The following GNAQ variants were observed in gnomAD, a reference collection of about 807,000 sequenced individuals.
GNAQ encodes the protein guanine nucleotide-binding protein G(q) subunit alpha.
In GNAQ, 8 loss-of-function variants were observed where a neutral mutation model predicts 43.9. That is an observed-to-expected ratio of 0.18 (90% CI 0.11 to 0.33). The LOEUF is 0.33. Ranked by LOEUF, GNAQ falls within the 10% of genes least tolerant of loss-of-function variation. The pLI is 1.00. For missense variants in GNAQ, 158 were observed against 450.8 expected (o/e 0.35, Z 5.88); for synonymous variants, 155 against 170.7 (o/e 0.91, Z 0.71).
At chr9:78,019,923 C>CA (rs34222702) in intron 1 of GNAQ, among the ~76,000 whole-genome samples, 44,885 of 93,566 alleles carry the variant, frequency 0.48, 9,758 homozygotes, top group Non-Finnish European at 0.55. Flanking sequence ...GACTCCATCT[C>CA]AAAAAAAAAA....
Position 77,824,491 on chromosome 9 carries a change from C to T in GNAQ, c.322-8721G>A, listed in dbSNP as rs151002886. Among the ~76,000 whole-genome samples, 9 of 152,226 alleles carry T rather than the reference C, an allele frequency of 5.9e-5. No homozygotes were observed. The East Asian group carries it at 1.5e-3, about 26-fold the overall frequency. On this transcript the variant is annotated intron_variant, in intron 2 of 6. Transcript: ENST00000286548. Reference sequence around the variant, plus strand: ...GATGAAACTCATAAATAGATTATTGCAGCTTGTTTGGATACAACTGTGATT... The same window carrying T: ...GATGAAACTCATAAATAGATTATTGTAGCTTGTTTGGATACAACTGTGATT...
intron 2 of GNAQ, among the ~76,000 whole-genome samples, chr9:77,877,196 G>A (rs1828139028): frequency 6.6e-6 from 1 of 152,090 alleles, no homozygotes; most frequent in Non-Finnish European, 1.5e-5. Flanking sequence ...TGCTTGTCTT[G>A]TAAACCAACT....
chr9:77,830,514 G>A (rs1361701932), intron 2 of GNAQ, among the ~76,000 whole-genome samples: 2 of 152,020 alleles, frequency 1.3e-5, no homozygotes, highest in African/African-American at 4.8e-5. Context: ...AAACACAAGC[G>A]GTTTCTTATG....
intron 2 of GNAQ, among the ~76,000 whole-genome samples, chr9:77,861,441 CA>C (rs1827849242): frequency 6.6e-6 from 1 of 152,190 alleles, no homozygotes; most frequent in African/African-American, 2.4e-5. Context: ...CTCATTTCAG[CA>C]TTAACTCAGA....
At chr9:77,916,483 T>C (rs1281131456) in intron 2 of GNAQ, among the ~76,000 whole-genome samples, 3 of 152,216 alleles carry the variant, frequency 2.0e-5, no homozygotes, top group African/African-American at 7.2e-5. Context: ...AAATGGCTTC[T>C]GGGACCTTGG....
intron 2 of GNAQ, among the ~76,000 whole-genome samples, chr9:77,864,028 G>T (rs1287035435): frequency 6.6e-6 from 1 of 152,066 alleles, no homozygotes; most frequent in East Asian, 1.9e-4. Flanking sequence ...TCATAGTTCT[G>T]CAGACTGTAC....
At chr9:77,858,032 G>A (rs1273060466) in intron 2 of GNAQ, among the ~76,000 whole-genome samples, 2 of 152,088 alleles carry the variant, frequency 1.3e-5, no homozygotes, top group Non-Finnish European at 2.9e-5. Context: ...ATGAGAGCAA[G>A]TACCAAGTAG....
chr9:77,961,287 G>A (rs1310592432), intron 1 of GNAQ, among the ~76,000 whole-genome samples: 1 of 152,134 alleles, frequency 6.6e-6, no homozygotes, highest in East Asian at 1.9e-4. Flanking sequence ...CACGGCTTCA[G>A]TTTCCACACA....
chr9:77,752,264 A>G (rs751129685), intron 5 of GNAQ, among the ~76,000 whole-genome samples: 29 of 152,254 alleles, frequency 1.9e-4, no homozygotes, highest in Non-Finnish European at 3.5e-4. Flanking sequence ...ATTCCAAAGT[A>G]TTACAGAAAT....
rs530130088 is a variant in GNAQ at position 77,837,275 on chromosome 9, A to T, written c.322-21505T>A. On this transcript the variant is annotated intron_variant, in intron 2 of 6. Transcript: ENST00000286548. ...GTGACTTTTAAAAGTTGTTTCTGGC[A>T]GGCTGGTGGCTCATGCCTCTAATCT... Among the ~76,000 whole-genome samples the T allele has an allele frequency of 9.9e-5, 15 of 152,190 alleles. No homozygotes were observed. In the East Asian group the frequency reaches 2.3e-3, roughly 24 times the overall value.
intron 2 of GNAQ, among the ~76,000 whole-genome samples, chr9:77,843,943 T>C (rs1827533365): frequency 6.6e-6 from 1 of 152,150 alleles, no homozygotes; most frequent in South Asian, 2.1e-4. Context: ...CAGGTCCTTA[T>C]AACTCAGAAA....
intron 2 of GNAQ, among the ~76,000 whole-genome samples, chr9:77,897,409 AC>A (rs1401338755): frequency 2.0e-5 from 3 of 152,218 alleles, no homozygotes; most frequent in Admixed American, 6.5e-5. Flanking sequence ...ACCAGCAAGG[AC>A]TGTCTACAGA....
intron 1 of GNAQ, among the ~76,000 whole-genome samples, chr9:77,994,049 C>T (rs186915066): frequency 2.1e-4 from 32 of 152,276 alleles, no homozygotes; most frequent in African/African-American, 7.2e-4. Flanking sequence ...CAAGGTCTTA[C>T]TCTGTTGCCC....
At chr9:77,914,576 C>T (rs958432404) in intron 2 of GNAQ, among the ~76,000 whole-genome samples, 34 of 151,978 alleles carry the variant, frequency 2.2e-4, no homozygotes, top group Non-Finnish European at 4.3e-4. Context: ...GCAGGAGAAT[C>T]GCTTGAACCC....
At chr9:77,901,262 CCA>C (rs1033996696) in intron 2 of GNAQ, among the ~76,000 whole-genome samples, 2 of 152,202 alleles carry the variant, frequency 1.3e-5, no homozygotes, top group African/African-American at 4.8e-5. Flanking sequence ...TGGGCAGCCT[CCA>C]CAGTGGTTAG....
chr9:77,933,009 C>G (rs2118313362), intron 1 of GNAQ, among the ~76,000 whole-genome samples: 1 of 152,216 alleles, frequency 6.6e-6, no homozygotes, highest in Non-Finnish European at 1.5e-5. Flanking sequence ...GCACTAGATT[C>G]TTAGAGAAGC....
chr9:77,739,473 G>T (rs1825620944), intron 5 of GNAQ, among the ~76,000 whole-genome samples: 1 of 152,164 alleles, frequency 6.6e-6, no homozygotes, highest in Admixed American at 6.5e-5. Flanking sequence ...TTACTAACTT[G>T]TCATTTTGAA....
intron 1 of GNAQ, among the ~76,000 whole-genome samples, chr9:77,922,947 CT>C (rs1298120579): frequency 6.6e-6 from 1 of 152,086 alleles, no homozygotes; most frequent in African/African-American, 2.4e-5. Flanking sequence ...CCATCTGAGT[CT>C]CTTGATCCTC....
intron 2 of GNAQ, among the ~76,000 whole-genome samples, chr9:77,849,578 C>T (rs1047403433): frequency 6.6e-6 from 1 of 152,180 alleles, no homozygotes; most frequent in African/African-American, 2.4e-5. Flanking sequence ...CTGCTTCCTA[C>T]CCTGCTTCCC....
Sources: gnomAD v4.1 joint callset for allele counts (sites outside exome capture counted in the v4.1 genomes callset) on GRCh38, gnomAD v4.1.1 for gene constraint, MANE v1.5 for transcripts, NCBI Gene and HGNC (gene_info 2026-07-23, HGNC 2026-07-21) for gene names.